Variants in STK16 observed in about 807,000 individuals in gnomAD.
STK16 encodes the protein serine/threonine-protein kinase 16.
STK16 carries 28 observed loss-of-function variants against 37.8 expected under a neutral mutation model. The observed-to-expected ratio is 0.74, with a 90% CI of 0.55 to 1.02. The LOEUF (loss-of-function observed/expected upper bound fraction) is 1.02. Among genes scored for constraint, STK16 ranks in the 50% least tolerant of loss-of-function variants. STK16 has a pLI of 0.00. For missense variants in STK16, 349 were observed against 390.6 expected (o/e 0.89, Z 0.90); for synonymous variants, 134 against 155.0 (o/e 0.86, Z 1.01).
intron 4 of STK16, 28 bp from the exon 5 acceptor site, chr2:219,247,387 C>A: frequency 6.2e-7 from 1 of 1,613,782 alleles, no homozygotes; most frequent in Non-Finnish European, 8.5e-7. Context: ...TCCAGAGATG[C>A]TCATAGGTCA....
Position 219,246,246 on chromosome 2 carries a change from G to GGCCTGCTAAATCCACCTC in STK16, c.86+163_86+180dup. 1 of 640,092 alleles carries GGCCTGCTAAATCCACCTC rather than the reference G, an allele frequency of 1.6e-6. No individual in the cohort carries two copies. The highest frequency in any genetic ancestry group is 2.7e-6 in the Non-Finnish European group (1 of 368,030). 39.7% of individuals were successfully genotyped at this position (640,092 alleles called of 1,614,324 possible). ...ATCAAGAAGGTGGATTCTGGAGCCA[G>GGCCTGCTAAATCCACCTC]GCCTGCTAAATCCACCTCGTGTGAC... On this transcript the variant is annotated intron_variant, in intron 2 of 7. Coordinates refer to ENST00000396738, the MANE Select transcript of STK16 (RefSeq NM_001330213.2). This position sits in a 1 kb window ranked among gnomAD's most constrained non-coding sequence, Gnocchi z 4.5.
chr2:219,246,576 C>G lies in STK16; in HGVS notation c.87-81C>G, dbSNP rs777591979. 8.9e-7 allele frequency: 1 copy of G among 1,119,858 alleles called. No homozygotes were observed. The highest frequency in any genetic ancestry group is 1.5e-5 in the African/African-American group (1 of 65,320). The allele number at this position is 1,119,858 out of a possible 1,614,324, so 69.4% of individuals were successfully genotyped here. A position where few individuals can be genotyped will look rare whatever the true frequency, so the allele number is the denominator to read the frequency against. On this transcript the variant is annotated intron_variant, in intron 2 of 7. Transcript: ENST00000396738. The surrounding 1 kb of genome is among the most constrained non-coding windows in gnomAD (Gnocchi z 4.5). ...TTTCTGCTAAATGGGAAGGACACCCCACTCCCCACCAGGAAATTTCTCTAG... is the reference window on the plus strand; with the variant it reads ...TTTCTGCTAAATGGGAAGGACACCCGACTCCCCACCAGGAAATTTCTCTAG...
intron 4 of STK16, 83 bp downstream of exon 4, chr2:219,247,329 G>C (rs923839179): frequency 6.8e-5 from 110 of 1,609,160 alleles, no homozygotes; most frequent in Middle Eastern, 5.2e-4. Context: ...GTTCTCCCAA[G>C]AAACAGCCTG....
chr2:219,248,641 C>T lies in STK16; in HGVS notation c.*82C>T. 6.6e-7 allele frequency: 1 copy of T among 1,507,562 alleles called. No individual in the cohort carries two copies. Among genetic ancestry groups the T allele is most frequent in the Non-Finnish European group, 9.0e-7 (1 of 1,115,654 alleles). The allele number at this position is 1,507,562 out of a possible 1,614,324, so 93.4% of individuals were successfully genotyped here. The stretch of plus-strand genomic sequence containing the variant: ...TCATTGGAATCACCACCCATTCCAT[C>T]CAGGACTTCTCTTACACTTGGGGGT... On this transcript the variant is annotated 3_prime_UTR_variant, in exon 8 of 8. Transcript: ENST00000396738.
At position 219,248,516 on chromosome 2, in the gene STK16, C is replaced by T. The variant is rs755692054; in HGVS notation, c.875C>T (p.Ala292Val). 13 of 1,613,794 alleles carry T rather than the reference C, an allele frequency of 8.1e-6. No homozygotes were observed. The African/African-American group carries it at 9.3e-5, about 12-fold the overall frequency. Residue 292 changes from alanine to valine, a missense_variant, in exon 8 of 8, where the codon GCG (alanine) becomes GTG (valine). Ala to Val is a moderately conservative substitution (Grantham distance 64). Transcript: ENST00000396738. The part of the protein sequence containing the change: ...HIPLLLSQLE[A>V]LQPPAPGQHT... ...CCTCTCCTCCTCAGTCAGCTGGAGG[C>T]GCTTCAGCCCCCAGCTCCTGGCCAA...
At chr2:219,247,955 G>C in intron 6 of STK16, 198 bp downstream of exon 6, 1 of 815,670 alleles carries the variant, frequency 1.2e-6, no homozygotes, top group Non-Finnish European at 2.0e-6. Flanking sequence ...CTGTGCCCCT[G>C]AACAAGGTGA....
Position 219,246,574 on chromosome 2 carries a change from C to A in STK16, c.87-83C>A. On this transcript the variant is annotated intron_variant, in intron 2 of 7. Coordinates refer to ENST00000396738, the MANE Select transcript of STK16 (RefSeq NM_001330213.2). The surrounding 1 kb of genome is among the most constrained non-coding windows in gnomAD (Gnocchi z 4.5). ...GGTTTCTGCTAAATGGGAAGGACAC[C>A]CCACTCCCCACCAGGAAATTTCTCT... is the stretch of plus-strand genomic sequence containing the variant. 2 of 1,100,364 alleles carry A rather than the reference C, an allele frequency of 1.8e-6. 1 individual carries two copies. Among genetic ancestry groups the A allele is most frequent in the South Asian group, 2.6e-5 (2 of 77,820 alleles). The allele number at this position is 1,100,364 out of a possible 1,614,324, so 68.2% of individuals were successfully genotyped here. A position where few individuals can be genotyped will look rare whatever the true frequency, so the allele number is the denominator to read the frequency against.
chr2:219,248,159 G>A, intron 6 of STK16, 34 bp from the exon 7 acceptor site: 1 of 1,612,454 alleles, frequency 6.2e-7, no homozygotes, highest in Non-Finnish European at 8.5e-7. Context: ...ACCTCCACTG[G>A]TCCCCTTCTA....
rs1951590765 is a variant in STK16 at position 219,248,622 on chromosome 2, G to A, written c.*63G>A. On this transcript the variant is annotated 3_prime_UTR_variant, in exon 8 of 8. Coordinates refer to ENST00000396738, the MANE Select transcript of STK16 (RefSeq NM_001330213.2). ...GGAAAGAGGTTCCCATCCCTCATTG[G>A]AATCACCACCCATTCCATCCAGGAC... is the stretch of plus-strand genomic sequence containing the variant. 6.5e-7 allele frequency: 1 copy of A among 1,548,328 alleles called. No individual in the cohort carries two copies. The highest frequency in any genetic ancestry group is 1.4e-5 in the African/African-American group (1 of 72,948).
In STK16 at chr2:219,248,766, G is replaced by T; in HGVS notation, c.*207G>T. 1 of 482,272 alleles carries T rather than the reference G, an allele frequency of 2.1e-6. No individual in the cohort carries two copies. The highest frequency in any genetic ancestry group is 3.7e-6 in the Non-Finnish European group (1 of 267,236). The allele number at this position is 482,272 out of a possible 1,614,324, so 29.9% of individuals were successfully genotyped here. A position where few individuals can be genotyped will look rare whatever the true frequency, so the allele number is the denominator to read the frequency against. On this transcript the variant is annotated 3_prime_UTR_variant, in exon 8 of 8. Transcript: ENST00000396738. ...AAGGGGACTTACTGAGTGGGGGTGG[G>T]TGGGGGTTGGGAAAAGGGAAACTGG...
chr2:219,246,920 C>T lies in STK16; in HGVS notation c.306+44C>T, dbSNP rs779716259. On this transcript the variant is annotated intron_variant, in intron 3 of 7. Transcript: ENST00000396738. This position sits in a 1 kb window ranked among gnomAD's most constrained non-coding sequence, Gnocchi z 4.5. Reference sequence around the variant, plus strand: ...TATGGAGGGGGTTGCAGCAGAGCCACCTACTCAAGGGCTGTGTGAGCAGTC... The same window carrying T: ...TATGGAGGGGGTTGCAGCAGAGCCATCTACTCAAGGGCTGTGTGAGCAGTC... 10 of 1,567,930 alleles carry T rather than the reference C, an allele frequency of 6.4e-6. No homozygotes were observed. The highest frequency in any genetic ancestry group is 8.7e-6 in the Non-Finnish European group (10 of 1,150,582).
chr2:219,245,797 G>A lies in STK16; in HGVS notation c.-105+1G>A. The A allele has an allele frequency of 2.0e-6, 1 of 506,962 alleles. No homozygotes were observed. Among genetic ancestry groups the A allele is most frequent in the Non-Finnish European group, 3.5e-6 (1 of 281,906 alleles). The allele number at this position is 506,962 out of a possible 1,614,324, so 31.4% of individuals were successfully genotyped here. A position where few individuals can be genotyped will look rare whatever the true frequency, so the allele number is the denominator to read the frequency against. ...GGGCCTGTTTTCTCTACACTATAGT[G>A]TAGGTTCCAGAGACCTGGGCCTGAG... On this transcript the variant is annotated splice_donor_variant, in intron 1 of 7. Transcript: ENST00000396738. LOFTEE classifies it low-confidence loss of function (5UTR_SPLICE).
Position 219,245,811 on chromosome 2 carries a change from C to T in STK16, c.-105+15C>T. The T allele has an allele frequency of 1.9e-6, 1 of 529,138 alleles. No homozygotes were observed. The highest frequency in any genetic ancestry group is 2.2e-5 in the South Asian group (1 of 46,390). 32.8% of individuals were successfully genotyped at this position (529,138 alleles called of 1,614,324 possible). A position where few individuals can be genotyped will look rare whatever the true frequency, so the allele number is the denominator to read the frequency against. ...TACACTATAGTGTAGGTTCCAGAGACCTGGGCCTGAGCTCTCCGCATTGGT... is the reference window on the plus strand; with the variant it reads ...TACACTATAGTGTAGGTTCCAGAGATCTGGGCCTGAGCTCTCCGCATTGGT... On this transcript the variant is annotated intron_variant, in intron 1 of 7. Coordinates refer to ENST00000396738, the MANE Select transcript of STK16 (RefSeq NM_001330213.2).
Position 219,247,368 on chromosome 2 carries a change from G to A in STK16, c.441-47G>A, listed in dbSNP as rs757832032. 8 of 1,610,228 alleles carry A rather than the reference G, an allele frequency of 5.0e-6. No individual in the cohort carries two copies. The Admixed American group carries it at 1.3e-4, about 27-fold the overall frequency. On this transcript the variant is annotated intron_variant, in intron 4 of 7. Coordinates refer to ENST00000396738, the MANE Select transcript of STK16 (RefSeq NM_001330213.2). Reference sequence around the variant, plus strand: ...GATTCTTTTGCTTGCTGGGATTCCAGCCTTCCTGTCCAGAGATGCTCATAG... The same window carrying A: ...GATTCTTTTGCTTGCTGGGATTCCAACCTTCCTGTCCAGAGATGCTCATAG...
In STK16 at chr2:219,247,135, TAGAA is replaced by T. The variant is rs749244440; in HGVS notation, c.332_335del (p.Glu111GlyfsTer2). The stretch of plus-strand genomic sequence containing the variant: ...CAGAGAGGTACGCTGTGGAATGAGA[TAGAA>T]AGGCTGAAGGACAAAGGCAACTTCC... On this transcript the variant is annotated frameshift_variant, in exon 4 of 8. Transcript: ENST00000396738. LOFTEE classifies it high-confidence loss of function. 6.2e-7 allele frequency: 1 copy of T among 1,614,188 alleles called. No individual in the cohort carries two copies. The highest frequency in any genetic ancestry group is 2.2e-5 in the East Asian group (1 of 44,880).
At position 219,247,487 on chromosome 2, in the gene STK16, T is replaced by C. The variant is rs756730392; in HGVS notation, c.513T>C (p.Asn171=). The C allele has an allele frequency of 1.1e-5, 18 of 1,614,210 alleles. 1 individual carries two copies. The highest frequency in any genetic ancestry group is 1.6e-4 in the Middle Eastern group (1 of 6,062). ...QPVLMDLGSM[N]QACIHVEGSR... Reference sequence around the variant, plus strand: ...TTTTAATGGACTTGGGTTCCATGAATCAAGCATGCATCCATGTGGAGGGCT... The same window carrying C: ...TTTTAATGGACTTGGGTTCCATGAACCAAGCATGCATCCATGTGGAGGGCT... The change falls in exon 5 of 8, where the codon AAT becomes AAC. Residue 171 remains asparagine, a synonymous_variant. Coordinates refer to ENST00000396738, the MANE Select transcript of STK16 (RefSeq NM_001330213.2).
At chr2:219,248,142 A>C in intron 6 of STK16, 51 bp from the exon 7 acceptor site, 1 of 1,607,744 alleles carries the variant, frequency 6.2e-7, no homozygotes, top group Non-Finnish European at 8.5e-7. Context: ...GTAAAGGGAG[A>C]GATGTCACCT....
Position 219,246,255 on chromosome 2 carries a change from A to G in STK16, c.86+170A>G. On this transcript the variant is annotated intron_variant, in intron 2 of 7. Transcript: ENST00000396738. This position sits in a 1 kb window ranked among gnomAD's most constrained non-coding sequence, Gnocchi z 4.5. ...GTGGATTCTGGAGCCAGGCCTGCTA[A>G]ATCCACCTCGTGTGACCTTGATAAA... 1.6e-6 allele frequency: 1 copy of G among 619,252 alleles called. No homozygotes were observed. Among genetic ancestry groups the G allele is most frequent in the African/African-American group, 1.8e-5 (1 of 54,174 alleles). The allele number at this position is 619,252 out of a possible 1,614,324, so 38.4% of individuals were successfully genotyped here.
In STK16 at chr2:219,248,249, G is replaced by T; in HGVS notation, c.714G>T (p.Val238=). The change falls in exon 7 of 8, where the codon GTG becomes GTT. Residue 238 remains valine (V), a synonymous_variant. Coordinates refer to ENST00000396738, the MANE Select transcript of STK16 (RefSeq NM_001330213.2). The stretch of plus-strand genomic sequence containing the variant: ...TTGGGGAAGGCCCTTATGACATGGT[G>T]TTCCAAAAGGGTGACAGTGTGGCCC... ...MMFGEGPYDM[V]FQKGDSVALA... is the part of the protein sequence containing the mutation. The T allele has an allele frequency of 6.2e-7, 1 of 1,614,178 alleles. No homozygotes were observed. The highest frequency in any genetic ancestry group is 2.2e-5 in the East Asian group (1 of 44,890).
Sources: allele counts gnomAD v4.1 joint callset, GRCh38; gene constraint gnomAD v4.1.1; non-coding constraint Gnocchi (gnomAD v3.1); transcripts MANE v1.5; gene names NCBI Gene and HGNC (gene_info 2026-07-23, HGNC 2026-07-21).